RNF125: variants seen among roughly 807,000 people sequenced by gnomAD.
The protein encoded by RNF125 is E3 ubiquitin-protein ligase RNF125.
A neutral mutation model predicts 26.0 loss-of-function variants in RNF125; 21 were observed. That is an observed-to-expected ratio of 0.81 (90% CI 0.57 to 1.16). RNF125 has a LOEUF of 1.16. Ranked by LOEUF, RNF125 falls within the 50% of genes most tolerant of loss-of-function variation. The pLI, the probability that RNF125 is intolerant of heterozygous loss-of-function variation, is 0.00. For synonymous variants in RNF125, 95 were observed against 109.2 expected (o/e 0.87, Z 0.81); for missense variants, 270 against 299.4 (o/e 0.90, Z 0.72).
intron 2 of RNF125, among the ~76,000 whole-genome samples, chr18:32,040,204 G>A (rs9944938): frequency 0.018 from 2,757 of 150,592 alleles, 79 homozygotes; most frequent in African/African-American, 0.063. Flanking sequence ...TCAGAGTCCC[G>A]CCAGATCTCC....
At chr18:32,027,127 G>A (rs2039044212) in intron 1 of RNF125, among the ~76,000 whole-genome samples, 1 of 152,044 alleles carries the variant, frequency 6.6e-6, no homozygotes, top group African/African-American at 2.4e-5. Flanking sequence ...CTGAGTTAAA[G>A]GATTTACATC....
Position 32,035,355 on chromosome 18 carries a change from C to G in RNF125, c.165-1761C>G, listed in dbSNP as rs146223581. On this transcript the variant is annotated intron_variant, in intron 1 of 5. Transcript: ENST00000217740. ...AATCAGTCATGATCCAAGCCAAATT[C>G]AAACATAATAAGAAAAAAATAAAGA... 1.2e-3 allele frequency among the ~76,000 whole-genome samples: 180 copies of G among 151,654 alleles called. 3 individuals are homozygous for G. Among genetic ancestry groups the G allele is most frequent in the African/African-American group, 4.1e-3 (170 of 41,330 alleles).
chr18:32,064,396 C>CTTTTTTTTTTTTTTTTTT (rs775086863), intron 4 of RNF125, among the ~76,000 whole-genome samples: 4 of 86,860 alleles, frequency 4.6e-5, no homozygotes, highest in Non-Finnish European at 6.2e-5. Context: ...TTTTCTTTTT[C>CTTTTTTTTTTTTTTTTTT]TTTTTTTTTT....
chr18:32,058,782 C>G (rs1039732477), intron 4 of RNF125, among the ~76,000 whole-genome samples: 1 of 152,182 alleles, frequency 6.6e-6, no homozygotes, highest in African/African-American at 2.4e-5. Context: ...TCCCCACTAC[C>G]CTTCCCAGCC....
At chr18:32,045,583 G>A in intron 3 of RNF125, 59 bp from the exon 4 acceptor site, 4 of 1,104,216 alleles carry the variant, frequency 3.6e-6, no homozygotes, top group African/African-American at 1.7e-5. Context: ...GAAAAAAAAA[G>A]TGACTACTAT....
At chr18:32,052,594 G>C (rs1422380303) in intron 4 of RNF125, among the ~76,000 whole-genome samples, 1 of 151,850 alleles carries the variant, frequency 6.6e-6, no homozygotes, top group African/African-American at 2.4e-5. Flanking sequence ...TTCTTCTTTG[G>C]GTATTGGATT....
chr18:32,034,095 C>T (rs938922812), intron 1 of RNF125, among the ~76,000 whole-genome samples: 1 of 152,206 alleles, frequency 6.6e-6, no homozygotes, highest in African/African-American at 2.4e-5. Context: ...CTGGCACCTC[C>T]AGCACCTTGG....
At chr18:32,085,084 ATTTC>A in the RNF125 span, among the ~76,000 whole-genome samples, 3 of 152,134 alleles carry the variant, frequency 2.0e-5, no homozygotes, top group African/African-American at 4.8e-5. Context: ...ACTTTGCGGC[ATTTC>A]TTTGTCACTT....
intron 1 of RNF125, among the ~76,000 whole-genome samples, 154 bp from the exon 2 acceptor site, chr18:32,036,962 C>T (rs953341733): frequency 3.9e-5 from 6 of 152,052 alleles, no homozygotes; most frequent in African/African-American, 7.2e-5. Flanking sequence ...AAGCAATTCT[C>T]GGGAAGTGCA....
intron 4 of RNF125, among the ~76,000 whole-genome samples, chr18:32,065,538 GT>G (rs1291750461): frequency 1.3e-5 from 2 of 151,812 alleles, no homozygotes; most frequent in African/African-American, 4.8e-5. Flanking sequence ...ACCCCGTCTT[GT>G]TTTGTTTTTT....
rs576667936 is a variant in RNF125 at position 32,068,660 on chromosome 18, G to A, written c.*276G>A. 4 of 326,858 alleles carry A rather than the reference G, an allele frequency of 1.2e-5. No homozygotes were observed. Among genetic ancestry groups the A allele is most frequent in the African/African-American group, 6.4e-5 (3 of 46,744 alleles). The allele number at this position is 326,858 out of a possible 1,614,324, so 20.2% of individuals were successfully genotyped here. On this transcript the variant is annotated 3_prime_UTR_variant, in exon 6 of 6. Coordinates refer to ENST00000217740, the MANE Select transcript of RNF125 (RefSeq NM_017831.4). ...GAAAAGACAGGTGGTAGGCAAGTAG[G>A]TGGAGGATCTCGGTTTGCAAATTAG... is the stretch of plus-strand genomic sequence containing the variant.
chr18:32,025,124 T>A (rs540319803), intron 1 of RNF125, among the ~76,000 whole-genome samples: 3 of 152,286 alleles, frequency 2.0e-5, no homozygotes, highest in South Asian at 2.1e-4. Context: ...TAAAGTCATA[T>A]GAACTTCGAA....
chr18:32,023,227 G>A (rs1256003360), intron 1 of RNF125, among the ~76,000 whole-genome samples: 5 of 152,136 alleles, frequency 3.3e-5, no homozygotes, highest in East Asian at 1.9e-4. Flanking sequence ...ATCTCAGCTC[G>A]CTGCAACCTC....
intron 1 of RNF125, among the ~76,000 whole-genome samples, chr18:32,024,942 G>A (rs1013652195): frequency 6.6e-6 from 1 of 152,104 alleles, no homozygotes; most frequent in Admixed American, 6.6e-5. Context: ...AATTAGCCGG[G>A]CATGGTGGCG....
rs115030316 is a variant in RNF125 at position 32,068,739 on chromosome 18, C to G, written c.*355C>G. On this transcript the variant is annotated 3_prime_UTR_variant, in exon 6 of 6. Coordinates refer to ENST00000217740, the MANE Select transcript of RNF125 (RefSeq NM_017831.4). ...CAATAACTACCATCATGGTTAGGCA[C>G]GATAACTAATCTTTGTTCTGTGTAA... 5.5e-3 allele frequency: 924 copies of G among 169,414 alleles called. 16 individuals carry two copies. Among genetic ancestry groups the G allele is most frequent in the African/African-American group, 0.021 (888 of 41,856 alleles). 10.5% of individuals were successfully genotyped at this position (169,414 alleles called of 1,614,324 possible).
chr18:32,076,067 T>C (rs1315082362), downstream of RNF125: 15 of 696,886 alleles, frequency 2.2e-5, no homozygotes, highest in Non-Finnish European at 4.0e-5. Flanking sequence ...ACTCTACACT[T>C]GTTTAGCCTG....
At chr18:32,019,070 G>A (rs774291910) in intron 1 of RNF125, 43 bp downstream of exon 1, 3 of 1,598,414 alleles carry the variant, frequency 1.9e-6, no homozygotes, top group Non-Finnish European at 8.5e-7. Context: ...CCCTAAGGAG[G>A]GCGATGTGGG....
intron 1 of RNF125, among the ~76,000 whole-genome samples, chr18:32,034,771 C>T (rs974364195): frequency 3.3e-5 from 5 of 151,702 alleles, no homozygotes; most frequent in East Asian, 3.9e-4. Context: ...AAAAATTAGC[C>T]GGGCATGGTG....
chr18:32,025,367 C>T (rs964808812), intron 1 of RNF125, among the ~76,000 whole-genome samples: 13 of 152,102 alleles, frequency 8.5e-5, no homozygotes, highest in Non-Finnish European at 1.8e-4. Flanking sequence ...AGTGAGAAGA[C>T]AGAGGACCCC....
Sources: gnomAD v4.1 joint callset for allele counts (sites outside exome capture counted in the v4.1 genomes callset) on GRCh38, gnomAD v4.1.1 for gene constraint, MANE v1.5 for transcripts, NCBI Gene and HGNC (gene_info 2026-07-23, HGNC 2026-07-21) for gene names.